Variants in KPNA1 observed in about 807,000 individuals in gnomAD.
The protein encoded by KPNA1 is importin subunit alpha-5.
KPNA1 carries 10 observed loss-of-function variants against 70.5 expected under a neutral mutation model. The ratio of observed to expected loss-of-function variants is 0.14; its 90% CI spans 0.09 to 0.24. The LOEUF (loss-of-function observed/expected upper bound fraction) is 0.24. Ranked by LOEUF, KPNA1 falls within the 10% of genes least tolerant of loss-of-function variation. The pLI is 1.00. For synonymous variants in KPNA1, 192 were observed against 221.9 expected, an observed-to-expected ratio of 0.87 and a Z score of 1.20; for missense variants, 397 against 637.9, an observed-to-expected ratio of 0.62 and a Z score of 4.07.
chr3:122,454,025 A>G, intron 5 of KPNA1, 24 bp from the exon 6 acceptor site: 3 of 1,495,124 alleles, frequency 2.0e-6, no homozygotes, highest in Non-Finnish European at 2.7e-6. Flanking sequence ...AATAATTTTC[A>G]TTATCTTTTT....
At position 122,427,482 on chromosome 3, in the gene KPNA1, C is replaced by CT. The variant is rs988821399; in HGVS notation, c.1429+55dup. On this transcript the variant is annotated intron_variant, in intron 13 of 13. Coordinates refer to ENST00000344337, the MANE Select transcript of KPNA1 (RefSeq NM_002264.4). ...GTAGTAGTATTGTTTTTACTGAACT[C>CT]TATCTATGACCCAATTCATTCTTGG... 3.3e-6 allele frequency: 5 copies of CT among 1,517,148 alleles called. No homozygotes were observed. In the Admixed American group the frequency reaches 9.4e-5, roughly 29 times the overall value. 94.0% of individuals were successfully genotyped at this position (1,517,148 alleles called of 1,614,324 possible).
In KPNA1 at chr3:122,490,943, T is replaced by G. The variant is rs149381049; in HGVS notation, c.129+5494A>C. On this transcript the variant is annotated intron_variant, in intron 2 of 13. Coordinates refer to ENST00000344337, the MANE Select transcript of KPNA1 (RefSeq NM_002264.4). Reference sequence around the variant, plus strand: ...TTCATATACAAATGTATATATAGTTTCATAACTACCAATTTTATATGATTA... The same window carrying G: ...TTCATATACAAATGTATATATAGTTGCATAACTACCAATTTTATATGATTA... 5.2e-4 allele frequency among the ~76,000 whole-genome samples: 79 copies of G among 152,344 alleles called. 3 individuals are homozygous for G. The East Asian group carries it at 0.015, about 28-fold the overall frequency.
chr3:122,494,256 A>G (rs543630130), intron 2 of KPNA1, among the ~76,000 whole-genome samples: 7 of 152,138 alleles, frequency 4.6e-5, no homozygotes, highest in African/African-American at 1.7e-4. Context: ...TTCTTCTAGG[A>G]TTTTTATAGT....
chr3:122,438,481 G>T (rs1384691345), intron 10 of KPNA1, among the ~76,000 whole-genome samples: 1 of 151,930 alleles, frequency 6.6e-6, no homozygotes, highest in Non-Finnish European at 1.5e-5. Flanking sequence ...CCGCCTCCTG[G>T]GTTCAAGTAA....
chr3:122,459,000 C>T (rs1048871933), intron 5 of KPNA1, among the ~76,000 whole-genome samples: 31 of 152,112 alleles, frequency 2.0e-4, no homozygotes, highest in African/African-American at 6.5e-4. Context: ...TTATCACTTC[C>T]GGAGGAATCA....
At chr3:122,432,633 G>T (rs2075926699) in intron 12 of KPNA1, 1 of 152,074 alleles carries the variant, frequency 6.6e-6, no homozygotes, top group Non-Finnish European at 1.5e-5. Context: ...AGTTAAGACT[G>T]GCTGAGTCTA....
chr3:122,440,422 C>T (rs1040541068), intron 10 of KPNA1, among the ~76,000 whole-genome samples: 11 of 152,022 alleles, frequency 7.2e-5, no homozygotes, highest in South Asian at 2.1e-4. Context: ...ATAAAGCATG[C>T]GTTAAAACTC....
At chr3:122,474,011 A>G (rs768972587) in intron 2 of KPNA1, among the ~76,000 whole-genome samples, 2 of 152,238 alleles carry the variant, frequency 1.3e-5, no homozygotes, top group Non-Finnish European at 2.9e-5. Flanking sequence ...GCAAGGTTAC[A>G]TGACAGAAGG....
intron 2 of KPNA1, among the ~76,000 whole-genome samples, chr3:122,496,171 C>G (rs2076758221): frequency 6.6e-6 from 1 of 152,068 alleles, no homozygotes; most frequent in Admixed American, 6.5e-5. Context: ...CTAAAATACA[C>G]TAAACACAAA....
At chr3:122,503,536 C>G (rs1263278759) in intron 1 of KPNA1, among the ~76,000 whole-genome samples, 1 of 152,136 alleles carries the variant, frequency 6.6e-6, no homozygotes, top group African/African-American at 2.4e-5. Context: ...CTTTGCAGAC[C>G]AATCACATAC....
At chr3:122,470,436 C>CG (rs1295944174) in intron 2 of KPNA1, among the ~76,000 whole-genome samples, 1 of 151,762 alleles carries the variant, frequency 6.6e-6, no homozygotes, top group Non-Finnish European at 1.5e-5. Context: ...GGCGTGAACC[C>CG]GGGGGGTGGA....
Position 122,496,518 on chromosome 3 carries a change from GT to G in KPNA1, c.47del (p.Asn16ThrfsTer4). On this transcript the variant is annotated frameshift_variant, in exon 2 of 14. Coordinates refer to ENST00000344337, the MANE Select transcript of KPNA1 (RefSeq NM_002264.4). LOFTEE classifies it high-confidence loss of function. ...GCATCTCATCGGGATTCAGAGATTT[GT>G]TCTTGTAACTTTTCAGGCGAAAGTT... Reference protein sequence around the residue: ...KENFRLKSYKNKSLNPDEMRR... With the variant: ...KENFRLKSYKXKSLNPDEMRR... 6.2e-7 allele frequency: 1 copy of G among 1,613,824 alleles called. No homozygotes were observed. Among genetic ancestry groups the G allele is most frequent in the Non-Finnish European group, 8.5e-7 (1 of 1,179,806 alleles).
intron 12 of KPNA1, 102 bp downstream of exon 12, chr3:122,433,559 C>A: frequency 1.1e-6 from 1 of 918,784 alleles, no homozygotes; most frequent in Non-Finnish European, 1.6e-6. Context: ...CCCTCAAAGG[C>A]AGCTAATCTT....
At chr3:122,501,574 C>A (rs1169399117) in intron 1 of KPNA1, among the ~76,000 whole-genome samples, 1 of 152,160 alleles carries the variant, frequency 6.6e-6, no homozygotes, top group African/African-American at 2.4e-5. Context: ...GATCAAAGAA[C>A]AGGATCCTTT....
In KPNA1 at chr3:122,448,307, G is replaced by A. The variant is rs146393380; in HGVS notation, c.917+1267C>T. On this transcript the variant is annotated intron_variant, in intron 9 of 13. Transcript: ENST00000344337. ...ACAAAGACACATCCATGTTTATTGC[G>A]GCACTATTCACAATAGCAAAGACTT... is the stretch of plus-strand genomic sequence containing the variant. Among the ~76,000 whole-genome samples the A allele has an allele frequency of 1.9e-3, 286 of 152,162 alleles. 2 individuals are homozygous for A. The highest frequency in any genetic ancestry group is 6.6e-3 in the African/African-American group (275 of 41,506).
chr3:122,491,367 A>G (rs2076695993), intron 2 of KPNA1, among the ~76,000 whole-genome samples: 1 of 152,246 alleles, frequency 6.6e-6, no homozygotes, highest in Non-Finnish European at 1.5e-5. Flanking sequence ...AACAGTATTC[A>G]AAACTGCTAG....
intron 5 of KPNA1, chr3:122,457,813 G>A (rs764751956): frequency 1.5e-5 from 19 of 1,289,784 alleles, no homozygotes; most frequent in South Asian, 2.5e-5. Flanking sequence ...CCACTTTGCC[G>A]GTTCCACTCT....
At chr3:122,448,306 C>T (rs916265470) in intron 9 of KPNA1, among the ~76,000 whole-genome samples, 2 of 152,080 alleles carry the variant, frequency 1.3e-5, no homozygotes, top group East Asian at 3.8e-4. Flanking sequence ...ATGTTTATTG[C>T]GGCACTATTC....
chr3:122,427,801 A>C, intron 12 of KPNA1, 85 bp from the exon 13 acceptor site: 1 of 800,570 alleles, frequency 1.2e-6, no homozygotes, highest in Non-Finnish European at 1.8e-6. Context: ...CCTCAACTTC[A>C]CTGCAGAGAC....
Sources: gnomAD v4.1 joint callset for allele counts (sites outside exome capture counted in the v4.1 genomes callset) on GRCh38, gnomAD v4.1.1 for gene constraint, MANE v1.5 for transcripts, NCBI Gene and HGNC (gene_info 2026-07-23, HGNC 2026-07-21) for gene names.